The following PCDHA9 variants were observed in gnomAD, a reference collection of about 807,000 sequenced individuals.
PCDHA9 encodes the protein protocadherin alpha 9, also known as protocadherin alpha-9.
PCDHA9 carries 62 observed loss-of-function variants against 62.0 expected under a neutral mutation model. That is an observed-to-expected ratio of 1.00 (90% CI 0.81 to 1.23). PCDHA9 has a LOEUF of 1.23. Ranked by LOEUF, PCDHA9 falls within the 50% of genes most tolerant of loss-of-function variation. The pLI is 0.00. For missense variants in PCDHA9, 1,205 were observed against 1,249.8 expected (o/e 0.96, Z 0.54); for synonymous variants, 557 against 567.6 (o/e 0.98, Z 0.27).
intron 1 of PCDHA9, among the ~76,000 whole-genome samples, chr5:140,909,493 G>T (rs989826667): frequency 6.6e-6 from 1 of 152,184 alleles, no homozygotes; most frequent in African/African-American, 2.4e-5. Context: ...AGAGCTGAAC[G>T]GGGATGTGGT....
At chr5:140,925,689 G>C (rs1341368297) in intron 1 of PCDHA9, among the ~76,000 whole-genome samples, 1 of 147,806 alleles carries the variant, frequency 6.8e-6, no homozygotes, top group Non-Finnish European at 1.5e-5. Flanking sequence ...AGCGAGGGTG[G>C]GTATCTAGCC....
At chr5:140,962,601 C>T (rs1227208523) in intron 1 of PCDHA9, among the ~76,000 whole-genome samples, 1 of 152,160 alleles carries the variant, frequency 6.6e-6, no homozygotes, top group African/African-American at 2.4e-5. Context: ...TGATATATTT[C>T]TTCTGGAGGA....
chr5:140,857,278 C>A lies in PCDHA9; in HGVS notation c.2394+6389C>A, dbSNP rs541123870. On this transcript the variant is annotated intron_variant, in intron 1 of 3. Transcript: ENST00000532602. ...ATTACTACTCATTGGTGCTGGACAGCGCTCTGGACCGCGAGAGGGTGTCGG... is the reference window on the plus strand; with the variant it reads ...ATTACTACTCATTGGTGCTGGACAGAGCTCTGGACCGCGAGAGGGTGTCGG... The A allele has an allele frequency of 1.8e-5, 29 of 1,598,570 alleles. 3 individuals are homozygous for A. The highest frequency in any genetic ancestry group is 1.7e-4 in the Middle Eastern group (1 of 5,938).
At chr5:140,874,680 T>C (rs1018074001) in intron 1 of PCDHA9, among the ~76,000 whole-genome samples, 1 of 152,258 alleles carries the variant, frequency 6.6e-6, no homozygotes, top group Non-Finnish European at 1.5e-5. Flanking sequence ...TCCTGAGATT[T>C]GTTTTAACAT....
intron 1 of PCDHA9, chr5:140,927,044 C>T (rs1337649079): frequency 6.2e-7 from 1 of 1,612,210 alleles, no homozygotes; most frequent in Non-Finnish European, 8.5e-7. Flanking sequence ...GCCGCTATGT[C>T]CTCGCGGAAC....
chr5:140,953,858 T>C (rs568873240), intron 1 of PCDHA9, among the ~76,000 whole-genome samples: 10 of 152,328 alleles, frequency 6.6e-5, no homozygotes, highest in African/African-American at 1.9e-4. Flanking sequence ...TGTGCCATGG[T>C]GGTTTGCTGC....
At chr5:140,953,258 T>C (rs1042358653) in intron 1 of PCDHA9, among the ~76,000 whole-genome samples, 22 of 152,304 alleles carry the variant, frequency 1.4e-4, no homozygotes, top group African/African-American at 5.3e-4. Context: ...TTAGTTCTTT[T>C]AGCTTTAGCC....
At position 140,876,190 on chromosome 5, in the gene PCDHA9, C is replaced by T. The variant is rs782463342; in HGVS notation, c.2394+25301C>T. Reference sequence around the variant, plus strand: ...CGTCCTGGATGTGAATGACAATGGTCCGGCGTTTGATAAGCCCAGCTATAA... The same window carrying T: ...CGTCCTGGATGTGAATGACAATGGTTCGGCGTTTGATAAGCCCAGCTATAA... On this transcript the variant is annotated intron_variant, in intron 1 of 3. Coordinates refer to ENST00000532602, the MANE Select transcript of PCDHA9 (RefSeq NM_031857.2). 3.7e-6 allele frequency: 6 copies of T among 1,613,936 alleles called. No individual in the cohort carries two copies. The Admixed American group carries it at 5.0e-5, about 13-fold the overall frequency.
At chr5:140,941,191 T>TCTTTC (rs1554213808) in intron 1 of PCDHA9, among the ~76,000 whole-genome samples, 2 of 93,206 alleles carry the variant, frequency 2.1e-5, no homozygotes, top group South Asian at 5.6e-4. Flanking sequence ...GCTTCTTTTT[T>TCTTTC]TTTCTTTCTT....
chr5:140,898,462 CTTGT>C (rs2066755516), intron 1 of PCDHA9, among the ~76,000 whole-genome samples: 1 of 150,202 alleles, frequency 6.7e-6, no homozygotes, highest in South Asian at 2.1e-4. Flanking sequence ...TTCCCCATTG[CTTGT>C]TTTTCTCAGG....
At chr5:140,875,182 A>T in intron 1 of PCDHA9, 1 of 450,902 alleles carries the variant, frequency 2.2e-6, no homozygotes. Context: ...CATTAGAATT[A>T]AGAGTGACCC....
At position 140,870,592 on chromosome 5, in the gene PCDHA9, C is replaced by T. The variant is rs202164332; in HGVS notation, c.2394+19703C>T. The T allele has an allele frequency of 8.8e-4, 1,421 of 1,613,554 alleles. 8 individuals carry two copies. The African/African-American group carries it at 0.017, about 19-fold the overall frequency. On this transcript the variant is annotated intron_variant, in intron 1 of 3. Coordinates refer to ENST00000532602, the MANE Select transcript of PCDHA9 (RefSeq NM_031857.2). ...GGTGTCCTACTCGCTGGTGGAGCGGCGGTTGGGCGACCGCGCGCTGTCGAG... is the reference window on the plus strand; with the variant it reads ...GGTGTCCTACTCGCTGGTGGAGCGGTGGTTGGGCGACCGCGCGCTGTCGAG...
intron 1 of PCDHA9, among the ~76,000 whole-genome samples, chr5:140,909,201 C>T (rs1379290108): frequency 2.0e-5 from 3 of 152,136 alleles, no homozygotes; most frequent in South Asian, 2.1e-4. Context: ...GACACAAAGC[C>T]GGAGAGTTGA....
chr5:140,848,454 G>A lies in PCDHA9; in HGVS notation c.-42G>A. On this transcript the variant is annotated 5_prime_UTR_variant, in exon 1 of 4. Transcript: ENST00000532602. ...GAAATCAGATGATTTCTTCTAATTT[G>A]GAGGCAATTTTCACTAATTAGAAGA... 6.6e-7 allele frequency: 1 copy of A among 1,522,350 alleles called. No homozygotes were observed. The highest frequency in any genetic ancestry group is 1.2e-5 in the South Asian group (1 of 81,694). The allele number at this position is 1,522,350 out of a possible 1,614,324, so 94.3% of individuals were successfully genotyped here.
intron 1 of PCDHA9, among the ~76,000 whole-genome samples, chr5:140,888,414 T>C (rs530730994): frequency 2.6e-5 from 4 of 152,170 alleles, no homozygotes; most frequent in Non-Finnish European, 5.9e-5. Context: ...CTGCCAAACA[T>C]CCTACCGTGC....
intron 1 of PCDHA9, chr5:140,877,781 T>C: frequency 6.2e-7 from 1 of 1,614,178 alleles, no homozygotes; most frequent in South Asian, 1.1e-5. Flanking sequence ...ACGGACCTCA[T>C]GGCCTTCAGC....
chr5:140,992,381 T>C (rs890804495), intron 3 of PCDHA9, among the ~76,000 whole-genome samples: 5 of 152,200 alleles, frequency 3.3e-5, no homozygotes, highest in Admixed American at 1.3e-4. Context: ...TACATTATTG[T>C]GTTCTGGACT....
At chr5:140,890,634 T>A (rs986470825) in intron 1 of PCDHA9, among the ~76,000 whole-genome samples, 3 of 152,204 alleles carry the variant, frequency 2.0e-5, no homozygotes, top group African/African-American at 7.2e-5. Context: ...TAAGCATGTA[T>A]CCTTGATATA....
intron 3 of PCDHA9, among the ~76,000 whole-genome samples, chr5:140,997,668 T>TTGTGTG (rs35184029): frequency 3.8e-4 from 56 of 148,342 alleles, no homozygotes; most frequent in African/African-American, 8.5e-4. Context: ...ATTATACAGC[T>TTGTGTG]TGTGTGTGTG....
Sources: gnomAD v4.1 joint callset for allele counts (sites outside exome capture counted in the v4.1 genomes callset) on GRCh38, gnomAD v4.1.1 for gene constraint, MANE v1.5 for transcripts, NCBI Gene and HGNC (gene_info 2026-07-23, HGNC 2026-07-21) for gene names.